The following ST6GALNAC3 variants were observed in gnomAD, a reference collection of about 807,000 sequenced individuals.
ST6GALNAC3 encodes ST6 N-acetylgalactosaminide alpha-2,6-sialyltransferase 3, also known as alpha-N-acetylgalactosaminide alpha-2,6-sialyltransferase 3.
In ST6GALNAC3, 25 loss-of-function variants were observed where a neutral mutation model predicts 32.7. That is an observed-to-expected ratio of 0.76 (90% CI 0.56 to 1.07). The LOEUF (loss-of-function observed/expected upper bound fraction) is 1.07. ST6GALNAC3 is among the 50% of genes least tolerant of loss of function. ST6GALNAC3 has a pLI of 0.00. For synonymous variants in ST6GALNAC3, 129 were observed against 133.1 expected, an observed-to-expected ratio of 0.97 and a Z score of 0.21; for missense variants, 355 against 382.4, an observed-to-expected ratio of 0.93 and a Z score of 0.60.
intron 3 of ST6GALNAC3, among the ~76,000 whole-genome samples, chr1:76,606,853 TG>T (rs1647584089): frequency 6.8e-6 from 1 of 146,552 alleles, no homozygotes; most frequent in Non-Finnish European, 1.5e-5. Context: ...ACCAAATGTG[TG>T]GGTTTTTTTT....
intron 3 of ST6GALNAC3, among the ~76,000 whole-genome samples, chr1:76,487,413 C>A (rs1354711279): frequency 6.6e-6 from 1 of 152,164 alleles, no homozygotes; most frequent in Non-Finnish European, 1.5e-5. Context: ...TTCTTGGAGG[C>A]TTTGTTCATT....
intron 1 of ST6GALNAC3, among the ~76,000 whole-genome samples, chr1:76,236,510 G>A (rs1250299052): frequency 1.3e-5 from 2 of 152,194 alleles, no homozygotes; most frequent in African/African-American, 4.8e-5. Flanking sequence ...AACCTACTAA[G>A]TGTCAGATAC....
intron 3 of ST6GALNAC3, among the ~76,000 whole-genome samples, chr1:76,602,933 G>A (rs999581934): frequency 6.6e-6 from 1 of 151,844 alleles, no homozygotes; most frequent in Non-Finnish European, 1.5e-5. Flanking sequence ...AACCTGAAGA[G>A]GCATTTCACA....
At chr1:76,625,365 A>G (rs747456909) in intron 3 of ST6GALNAC3, among the ~76,000 whole-genome samples, 4 of 151,952 alleles carry the variant, frequency 2.6e-5, no homozygotes, top group Non-Finnish European at 5.9e-5. Flanking sequence ...CTCATCATAT[A>G]GAAACAAACA....
chr1:76,317,335 G>T (rs998418412), intron 2 of ST6GALNAC3, among the ~76,000 whole-genome samples: 1 of 152,096 alleles, frequency 6.6e-6, no homozygotes, highest in African/African-American at 2.4e-5. Context: ...TTAAATAAGA[G>T]ACACAGTATG....
At position 76,629,037 on chromosome 1, in the gene ST6GALNAC3, G is replaced by A. The variant is rs144689634; in HGVS notation, c.*231G>A. ...TTCTGGAGGTTCAACACTACGTACCGCACTTTATAATTTAACTGGAATTGA... is the reference window on the plus strand; with the variant it reads ...TTCTGGAGGTTCAACACTACGTACCACACTTTATAATTTAACTGGAATTGA... On this transcript the variant is annotated 3_prime_UTR_variant, in exon 5 of 5. Transcript: ENST00000328299. 3.2e-5 allele frequency: 41 copies of A among 1,281,998 alleles called. No homozygotes were observed. Among genetic ancestry groups the A allele is most frequent in the South Asian group, 1.3e-4 (6 of 46,582 alleles). 79.4% of individuals were successfully genotyped at this position (1,281,998 alleles called of 1,614,324 possible).
intron 3 of ST6GALNAC3, among the ~76,000 whole-genome samples, chr1:76,443,214 G>A (rs1404996357): frequency 6.6e-6 from 1 of 152,066 alleles, no homozygotes; most frequent in African/African-American, 2.4e-5. Flanking sequence ...TGCAGTTGTG[G>A]TGGATCATAG....
rs767235757 is a variant in ST6GALNAC3 at position 76,191,466 on chromosome 1, G to A, written c.18+116582G>A. Among the ~76,000 whole-genome samples, 40 of 152,084 alleles carry A rather than the reference G, an allele frequency of 2.6e-4. 1 individual carries two copies. The highest frequency in any genetic ancestry group is 1.0e-3 in the South Asian group (5 of 4,824). On this transcript the variant is annotated intron_variant, in intron 1 of 4. Transcript: ENST00000328299. ...TTCCGGTGTTCTATTGTACAGAAGG[G>A]TGACAGTGGTTAACAGTTAAGATGT...
intron 3 of ST6GALNAC3, among the ~76,000 whole-genome samples, chr1:76,554,234 C>G (rs1664791745): frequency 6.6e-6 from 1 of 152,240 alleles, no homozygotes; most frequent in Non-Finnish European, 1.5e-5. Flanking sequence ...TAAATCTACA[C>G]CTTTATGGCC....
intron 2 of ST6GALNAC3, among the ~76,000 whole-genome samples, chr1:76,400,549 T>C (rs911552777): frequency 2.0e-5 from 3 of 152,076 alleles, no homozygotes; most frequent in South Asian, 2.1e-4. Flanking sequence ...AGAATATAAG[T>C]GAGATTGGGG....
At chr1:76,225,432 G>C (rs774989289) in intron 1 of ST6GALNAC3, among the ~76,000 whole-genome samples, 1 of 152,064 alleles carries the variant, frequency 6.6e-6, no homozygotes, top group Non-Finnish European at 1.5e-5. Flanking sequence ...TTTGAGAATA[G>C]CCATTAATGA....
At chr1:76,333,533 ATTGCCAATT>A (rs1647247750) in intron 2 of ST6GALNAC3, among the ~76,000 whole-genome samples, 2 of 152,162 alleles carry the variant, frequency 1.3e-5, no homozygotes, top group Non-Finnish European at 2.9e-5. Context: ...ACTTCTTATA[ATTGCCAATT>A]ATGGCTTTTA....
chr1:76,466,104 T>C (rs1658610767), intron 3 of ST6GALNAC3, among the ~76,000 whole-genome samples: 1 of 152,102 alleles, frequency 6.6e-6, no homozygotes, highest in Non-Finnish European at 1.5e-5. Context: ...CTCCCAGTCA[T>C]GGTTTGTAAT....
intron 3 of ST6GALNAC3, among the ~76,000 whole-genome samples, chr1:76,555,665 C>T (rs315057): frequency 7.2e-5 from 11 of 151,940 alleles, no homozygotes; most frequent in African/African-American, 1.9e-4. Flanking sequence ...GACTGAAGAA[C>T]GAGTGAAAAA....
In ST6GALNAC3 at chr1:76,547,418, C is replaced by T. The variant is rs77126330; in HGVS notation, c.624-80034C>T. Among the ~76,000 whole-genome samples, 407 of 152,302 alleles carry T rather than the reference C, an allele frequency of 2.7e-3. 1 individual carries two copies. The highest frequency in any genetic ancestry group is 9.3e-3 in the African/African-American group (388 of 41,568). On this transcript the variant is annotated intron_variant, in intron 3 of 4. Coordinates refer to ENST00000328299, the MANE Select transcript of ST6GALNAC3 (RefSeq NM_152996.4). The stretch of plus-strand genomic sequence containing the variant: ...AGAAACCTTTGTAGCACAGGGAATG[C>T]CTAAGACACGGTTGACTAGGCTCTG...
At chr1:76,408,469 G>T (rs907097085) in intron 2 of ST6GALNAC3, among the ~76,000 whole-genome samples, 1 of 152,046 alleles carries the variant, frequency 6.6e-6, no homozygotes, top group South Asian at 2.1e-4. Flanking sequence ...TGACATATTT[G>T]TCACATAAAC....
chr1:76,580,648 C>T lies in ST6GALNAC3; in HGVS notation c.624-46804C>T, dbSNP rs111935057. ...TTTTTGTGTCTTCATCACTGTGTGGCTTGTGGTAGTCACTTGAATACTTGT... is the reference window on the plus strand; with the variant it reads ...TTTTTGTGTCTTCATCACTGTGTGGTTTGTGGTAGTCACTTGAATACTTGT... On this transcript the variant is annotated intron_variant, in intron 3 of 4. Coordinates refer to ENST00000328299, the MANE Select transcript of ST6GALNAC3 (RefSeq NM_152996.4). Among the ~76,000 whole-genome samples the T allele has an allele frequency of 3.4e-3, 516 of 151,212 alleles. 1 individual carries two copies. The highest frequency in any genetic ancestry group is 0.012 in the African/African-American group (487 of 40,902).
intron 3 of ST6GALNAC3, among the ~76,000 whole-genome samples, chr1:76,537,146 C>A (rs1171936211): frequency 6.6e-6 from 1 of 152,148 alleles, no homozygotes; most frequent in Non-Finnish European, 1.5e-5. Flanking sequence ...GTCTCTCAGA[C>A]CACAGTGCAA....
chr1:76,126,353 T>G (rs1649240101), intron 1 of ST6GALNAC3, among the ~76,000 whole-genome samples: 1 of 152,146 alleles, frequency 6.6e-6, no homozygotes, highest in Non-Finnish European at 1.5e-5. Context: ...ACTTGGTAAG[T>G]GATGGCCTTA....
Sources: gnomAD v4.1 joint callset for allele counts (sites outside exome capture counted in the v4.1 genomes callset) on GRCh38, gnomAD v4.1.1 for gene constraint, MANE v1.5 for transcripts, NCBI Gene and HGNC (gene_info 2026-07-23, HGNC 2026-07-21) for gene names.